HTT: variants seen among roughly 807,000 people sequenced by gnomAD.
The protein encoded by HTT is huntingtin.
Under a neutral mutation model 362.3 loss-of-function variants are expected in HTT, and 104 were observed. The ratio of observed to expected loss-of-function variants is 0.29; its 90% CI spans 0.24 to 0.34. The LOEUF (loss-of-function observed/expected upper bound fraction) is 0.34, where lower values mean the gene tolerates loss of function less well. Ranked by LOEUF, HTT falls within the 10% of genes least tolerant of loss-of-function variation. The pLI is 1.00. For missense variants in HTT, 3,301 were observed against 3,928.6 expected (o/e 0.84, Z 4.27); for synonymous variants, 1,577 against 1,548.7 (o/e 1.02, Z -0.43).
chr4:3,128,357 C>T (rs1434760213), intron 12 of HTT: 1 of 152,142 alleles, frequency 6.6e-6, no homozygotes, highest in Non-Finnish European at 1.5e-5. Context: ...AGCTTGACCT[C>T]ATCTGATACC....
In HTT at chr4:3,140,642, C is replaced by T. The variant is rs767738365; in HGVS notation, c.2931C>T (p.Val977=). The change falls in exon 22 of 67, where the codon GTC becomes GTT. Residue 977 remains valine (V), a synonymous_variant. Transcript: ENST00000355072. The part of the protein sequence containing the change: ...HETQPPSHFS[V]STITRIYRGY... ...CGCAGCCTCCATCTCATTTCTCCGT[C>T]AGCACAATAACCAGGTATGCTGACC... 9.9e-6 allele frequency: 16 copies of T among 1,613,966 alleles called. No individual in the cohort carries two copies. The highest frequency in any genetic ancestry group is 1.4e-5 in the Non-Finnish European group (16 of 1,179,954).
In HTT at chr4:3,223,668, A is replaced by G. The variant is rs1031790571; in HGVS notation, c.7625+108A>G. The G allele has an allele frequency of 2.2e-5, 22 of 1,016,090 alleles. No homozygotes were observed. In the East Asian group the frequency reaches 5.2e-4, roughly 24 times the overall value. 62.9% of individuals were successfully genotyped at this position (1,016,090 alleles called of 1,614,324 possible). On this transcript the variant is annotated intron_variant, in intron 55 of 66. Transcript: ENST00000355072. ...AACCAGGCCGTTTTCCTTCATTGCT[A>G]GAATTGAAAACACCGTCCGTGTGGC... is the stretch of plus-strand genomic sequence containing the variant.
rs373096447 is a variant in HTT at position 3,140,582 on chromosome 4, A to G, written c.2871A>G (p.Gln957=). Residue 957 remains glutamine (Q), a synonymous_variant, in exon 22 of 67, where the codon CAA becomes CAG. Coordinates refer to ENST00000355072, the MANE Select transcript of HTT (RefSeq NM_001388492.1). ...CAGTAGTGGCCGTGGCAAGAGATCA[A>G]AGCAGTGTTTACCTGAAACTTCTCA... ...ADPVVAVARD[Q]SSVYLKLLMH... The G allele has an allele frequency of 1.9e-6, 3 of 1,613,940 alleles. No individual in the cohort carries two copies. The African/African-American group carries it at 4.0e-5, about 22-fold the overall frequency.
chr4:3,192,159 C>T (rs766207332), intron 40 of HTT, among the ~76,000 whole-genome samples: 6 of 152,172 alleles, frequency 3.9e-5, no homozygotes, highest in Admixed American at 6.5e-5. Flanking sequence ...ACTCTAGCCT[C>T]GAACTCCTGG....
intron 40 of HTT, among the ~76,000 whole-genome samples, chr4:3,194,527 C>A (rs560694722): frequency 1.9e-4 from 29 of 152,348 alleles, no homozygotes; most frequent in African/African-American, 6.3e-4. Flanking sequence ...GTAGCCTCAA[C>A]ACGGCCTTCC....
In HTT at chr4:3,240,405, C is replaced by G. The variant is rs1225506174; in HGVS notation, c.*346C>G. 2.9e-6 allele frequency: 1 copy of G among 347,734 alleles called. No individual in the cohort carries two copies. Among genetic ancestry groups the G allele is most frequent in the Non-Finnish European group, 5.4e-6 (1 of 184,318 alleles). The allele number at this position is 347,734 out of a possible 1,614,324, so 21.5% of individuals were successfully genotyped here. A position where few individuals can be genotyped will look rare whatever the true frequency, so the allele number is the denominator to read the frequency against. On this transcript the variant is annotated 3_prime_UTR_variant, in exon 67 of 67. Transcript: ENST00000355072. ...CTCTTGCATCTGGGCCAGAAGTCCT[C>G]CCTCCTGCAGGCTGGCTGTTGGCCC...
chr4:3,155,871 C>T (rs1363890322), intron 27 of HTT, among the ~76,000 whole-genome samples: 1 of 149,080 alleles, frequency 6.7e-6, no homozygotes, highest in African/African-American at 2.5e-5. Flanking sequence ...GCACTCTAGC[C>T]TGGGCGATAG....
intron 51 of HTT, among the ~76,000 whole-genome samples, chr4:3,216,821 C>T (rs555365844): frequency 9.2e-5 from 14 of 152,040 alleles, no homozygotes; most frequent in South Asian, 4.1e-4. Context: ...GTCAGGAGAT[C>T]GAGACCATCC....
intron 51 of HTT, among the ~76,000 whole-genome samples, chr4:3,215,483 C>G (rs570055359): frequency 1.3e-5 from 2 of 152,130 alleles, no homozygotes; most frequent in African/African-American, 4.8e-5. Context: ...CCCTTCCCCC[C>G]GCACTTCCCA....
intron 31 of HTT, among the ~76,000 whole-genome samples, chr4:3,173,918 G>A (rs1422143269): frequency 1.3e-5 from 2 of 151,952 alleles, no homozygotes; most frequent in Admixed American, 6.6e-5. Context: ...TGATCTGCCC[G>A]TCCCGGCCTC....
In HTT at chr4:3,182,112, C is replaced by T. The variant is rs3025833; in HGVS notation, c.4750-242C>T. Among the ~76,000 whole-genome samples the T allele has an allele frequency of 1.2e-3, 189 of 152,312 alleles. 1 individual carries two copies. The highest frequency in any genetic ancestry group is 4.5e-3 in the African/African-American group (185 of 41,558). On this transcript the variant is annotated intron_variant, in intron 36 of 66. Coordinates refer to ENST00000355072, the MANE Select transcript of HTT (RefSeq NM_001388492.1). Reference sequence around the variant, plus strand: ...ATACAAATAACAATGATGGCAAATCCTCCTGAGCAAAGTGTGCACCTTGTA... The same window carrying T: ...ATACAAATAACAATGATGGCAAATCTTCCTGAGCAAAGTGTGCACCTTGTA...
intron 37 of HTT, 147 bp downstream of exon 37, chr4:3,182,617 T>C: frequency 1.5e-6 from 1 of 656,544 alleles, no homozygotes; most frequent in East Asian, 2.5e-5. Flanking sequence ...GACAGCTGAC[T>C]TCATTTCTTC....
intron 33 of HTT, 35 bp downstream of exon 33, chr4:3,175,142 T>C: frequency 6.4e-7 from 1 of 1,571,664 alleles, no homozygotes; most frequent in Non-Finnish European, 8.7e-7. Flanking sequence ...ATCATACCTG[T>C]TCCTAATTTA....
In HTT at chr4:3,175,852, A is replaced by G. The variant is rs574322260; in HGVS notation, c.4407+745A>G. On this transcript the variant is annotated intron_variant, in intron 33 of 66. Transcript: ENST00000355072. ...TGGGGTAGGAATATTTGTGAGTTAG[A>G]AATATTACACTTCTCTATTTCCTTC... is the stretch of plus-strand genomic sequence containing the variant. Among the ~76,000 whole-genome samples, 8 of 152,284 alleles carry G rather than the reference A, an allele frequency of 5.3e-5. No homozygotes were observed. In the East Asian group the frequency reaches 1.5e-3, roughly 29 times the overall value.
chr4:3,113,961 G>C (rs1346315332), intron 6 of HTT, among the ~76,000 whole-genome samples: 1 of 152,168 alleles, frequency 6.6e-6, no homozygotes, highest in Non-Finnish European at 1.5e-5. Context: ...CACACACACA[G>C]AAATATAGAG....
intron 6 of HTT, among the ~76,000 whole-genome samples, chr4:3,108,348 G>C (rs1448370461): frequency 1.3e-5 from 2 of 152,188 alleles, no homozygotes; most frequent in Non-Finnish European, 2.9e-5. Flanking sequence ...TTGGAATGAC[G>C]AAGGGAGATG....
intron 22 of HTT, among the ~76,000 whole-genome samples, chr4:3,140,938 AC>A (rs943767867): frequency 7.4e-6 from 1 of 135,286 alleles, no homozygotes; most frequent in Non-Finnish European, 1.7e-5. Context: ...TGTGACACTT[AC>A]GTATTATCTG....
intron 37 of HTT, 38 bp downstream of exon 37, chr4:3,182,508 A>T (rs370256808): frequency 1.5e-6 from 2 of 1,316,900 alleles, no homozygotes. Context: ...TTGCATAGTG[A>T]TGGTAGCTTA....
In HTT at chr4:3,147,986, G is replaced by A. The variant is rs543150172; in HGVS notation, c.3296-19G>A. ...CATGCTATTGGGGTGGAGAGGTAAT[G>A]TCTGTGCCCATATCACAGCCAGTGC... is the stretch of plus-strand genomic sequence containing the variant. On this transcript the variant is annotated intron_variant, in intron 25 of 66. Coordinates refer to ENST00000355072, the MANE Select transcript of HTT (RefSeq NM_001388492.1). The A allele has an allele frequency of 6.2e-7, 1 of 1,600,034 alleles. No individual in the cohort carries two copies. The highest frequency in any genetic ancestry group is 2.2e-5 in the East Asian group (1 of 44,784).
Sources: gnomAD v4.1 joint callset for allele counts (sites outside exome capture counted in the v4.1 genomes callset) on GRCh38, gnomAD v4.1.1 for gene constraint, MANE v1.5 for transcripts, NCBI Gene and HGNC (gene_info 2026-07-23, HGNC 2026-07-21) for gene names.